The following SDK1 variants were observed in gnomAD, a reference collection of about 807,000 sequenced individuals.
SDK1 encodes protein sidekick-1.
A neutral mutation model predicts 245.5 loss-of-function variants in SDK1; 157 were observed. The ratio of observed to expected loss-of-function variants is 0.64; its 90% CI spans 0.56 to 0.73. The LOEUF is 0.73. SDK1 is among the 30% of genes least tolerant of loss of function. SDK1 has a pLI of 0.00. For missense variants in SDK1, 3,583 were observed against 3,002.3 expected (o/e 1.19, Z -4.52); for synonymous variants, 1,647 against 1,278.5 (o/e 1.29, Z -6.15).
At chr7:3,377,966 T>TG (rs1212793869) in intron 1 of SDK1, among the ~76,000 whole-genome samples, 1 of 151,946 alleles carries the variant, frequency 6.6e-6, no homozygotes, top group East Asian at 1.9e-4. Context: ...TTAGTAAAGA[T>TG]GGGGGTTTCA....
At chr7:3,318,277 A>G (rs1159744045) in intron 1 of SDK1, among the ~76,000 whole-genome samples, 1 of 152,208 alleles carries the variant, frequency 6.6e-6, no homozygotes, top group Non-Finnish European at 1.5e-5. Context: ...GCATTATAAC[A>G]TAGTGTCATG....
In SDK1 at chr7:3,650,014, G is replaced by GAA. The variant is rs35857495; in HGVS notation, c.713+7921_713+7922dup. 3.3e-3 allele frequency among the ~76,000 whole-genome samples: 473 copies of GAA among 143,254 alleles called. 1 individual carries two copies. The highest frequency in any genetic ancestry group is 4.6e-3 in the African/African-American group (175 of 37,650). 94.0% of individuals were successfully genotyped at this position (143,254 alleles called of 152,430 possible). A position where few individuals can be genotyped will look rare whatever the true frequency, so the allele number is the denominator to read the frequency against. ...GGAAGAGGTTGCTATTTTTTGTTTT[G>GAA]AAAAAAAAAAAAAGGCAATTAAAAT... On this transcript the variant is annotated intron_variant, in intron 4 of 44. Transcript: ENST00000404826.
At chr7:3,904,292 G>A (rs1781890523) in intron 5 of SDK1, among the ~76,000 whole-genome samples, 1 of 152,156 alleles carries the variant, frequency 6.6e-6, no homozygotes, top group African/African-American at 2.4e-5. Context: ...GGGGAGAGGG[G>A]CAATGGAAAG....
At chr7:3,499,360 G>T (rs544490790) in intron 1 of SDK1, among the ~76,000 whole-genome samples, 26 of 151,980 alleles carry the variant, frequency 1.7e-4, no homozygotes, top group African/African-American at 3.4e-4. Flanking sequence ...GCCATTTTTT[G>T]TGTGTTTTTT....
At chr7:4,083,524 TCCTCCCTCCCTCCCTC>T (rs749572975) in intron 22 of SDK1, among the ~76,000 whole-genome samples, 46 of 90,982 alleles carry the variant, frequency 5.1e-4, no homozygotes, top group South Asian at 3.2e-3. Context: ...CCATTTCCAC[TCCTCCCTCCCTCCCTC>T]CCTCCCTCCC....
intron 1 of SDK1, among the ~76,000 whole-genome samples, chr7:3,493,615 G>T (rs1040581441): frequency 2.6e-5 from 4 of 152,174 alleles, no homozygotes; most frequent in Non-Finnish European, 5.9e-5. Context: ...CAGAATTATA[G>T]AAAAGAATGT....
At chr7:3,313,819 C>A (rs1025503570) in intron 1 of SDK1, among the ~76,000 whole-genome samples, 1 of 151,986 alleles carries the variant, frequency 6.6e-6, no homozygotes, top group Non-Finnish European at 1.5e-5. Context: ...GTATTCCTAC[C>A]ACAAAAAAGT....
chr7:3,835,938 C>T (rs578036013), intron 5 of SDK1, among the ~76,000 whole-genome samples: 4 of 152,312 alleles, frequency 2.6e-5, no homozygotes, highest in African/African-American at 9.6e-5. Context: ...AAGGTCAAGA[C>T]ACACAAGATT....
intron 1 of SDK1, among the ~76,000 whole-genome samples, chr7:3,501,424 T>A (rs1360258237): frequency 3.3e-5 from 5 of 151,806 alleles, no homozygotes; most frequent in South Asian, 2.1e-4. Flanking sequence ...AACAGTTAGG[T>A]TCCGAGTGAC....
chr7:3,597,432 G>A (rs1781102289), intron 1 of SDK1, among the ~76,000 whole-genome samples: 1 of 152,128 alleles, frequency 6.6e-6, no homozygotes, highest in African/African-American at 2.4e-5. Flanking sequence ...ATCCCACTGG[G>A]AAATAGCAGA....
intron 4 of SDK1, among the ~76,000 whole-genome samples, chr7:3,740,516 G>A (rs895022174): frequency 2.6e-5 from 4 of 152,134 alleles, no homozygotes; most frequent in Admixed American, 2.6e-4. Context: ...GTCAGATACA[G>A]GCAAGCCTAA....
intron 1 of SDK1, among the ~76,000 whole-genome samples, chr7:3,462,592 A>C (rs1780867250): frequency 6.6e-6 from 1 of 152,082 alleles, no homozygotes; most frequent in African/African-American, 2.4e-5. Context: ...GCCATCTCAA[A>C]CTCAACTCGA....
chr7:3,635,471 A>G (rs1375044616), intron 2 of SDK1, among the ~76,000 whole-genome samples: 3 of 152,244 alleles, frequency 2.0e-5, no homozygotes, highest in Admixed American at 6.5e-5. Flanking sequence ...AACATGAGCA[A>G]TTAGTTGAAT....
intron 4 of SDK1, among the ~76,000 whole-genome samples, chr7:3,745,832 C>G (rs1027844914): frequency 3.3e-5 from 5 of 152,046 alleles, no homozygotes; most frequent in Admixed American, 2.6e-4. Flanking sequence ...ATATGTTTAT[C>G]TCTTGAGAAA....
chr7:3,821,123 A>T (rs751421413), intron 4 of SDK1, among the ~76,000 whole-genome samples: 16 of 152,084 alleles, frequency 1.1e-4, no homozygotes, highest in Non-Finnish European at 2.1e-4. Flanking sequence ...TGGTCTTGTT[A>T]TGCATTCTCA....
intron 1 of SDK1, among the ~76,000 whole-genome samples, chr7:3,331,378 G>C (rs1780065166): frequency 6.6e-6 from 1 of 152,162 alleles, no homozygotes; most frequent in Admixed American, 6.5e-5. Context: ...GTTTTTACTT[G>C]TACTTCCTCA....
chr7:4,113,677 G>C (rs1343638220), intron 24 of SDK1, among the ~76,000 whole-genome samples: 1 of 152,160 alleles, frequency 6.6e-6, no homozygotes, highest in Non-Finnish European at 1.5e-5. Flanking sequence ...AATATTCCTT[G>C]GGGCAGGAAA....
At chr7:3,817,712 G>A (rs1400055008) in intron 4 of SDK1, among the ~76,000 whole-genome samples, 1 of 152,108 alleles carries the variant, frequency 6.6e-6, no homozygotes. Flanking sequence ...CCAAGGGGTG[G>A]GTCTAGCCAT....
At chr7:3,324,184 C>CT (rs537844713) in intron 1 of SDK1, among the ~76,000 whole-genome samples, 119 of 152,176 alleles carry the variant, frequency 7.8e-4, no homozygotes, top group Non-Finnish European at 1.3e-3. Flanking sequence ...TTCTGGTTCT[C>CT]TTTTAGCATT....
Sources: gnomAD v4.1 joint callset for allele counts (sites outside exome capture counted in the v4.1 genomes callset) on GRCh38, gnomAD v4.1.1 for gene constraint, MANE v1.5 for transcripts, NCBI Gene and HGNC (gene_info 2026-07-23, HGNC 2026-07-21) for gene names.